Variants in PTPRD observed in about 807,000 individuals in gnomAD.
PTPRD encodes the protein protein tyrosine phosphatase receptor type D.
Under a neutral mutation model 214.5 loss-of-function variants are expected in PTPRD, and 34 were observed. That is an observed-to-expected ratio of 0.16 (90% CI 0.12 to 0.21). The LOEUF (loss-of-function observed/expected upper bound fraction) is 0.21, where lower values mean the gene tolerates loss of function less well. PTPRD is among the 10% of genes least tolerant of loss of function. The pLI is 1.00. For synonymous variants in PTPRD, 1,128 were observed against 845.7 expected, an observed-to-expected ratio of 1.33 and a Z score of -5.79; for missense variants, 2,545 against 2,398.7, an observed-to-expected ratio of 1.06 and a Z score of -1.27.
In PTPRD at chr9:8,500,953, A is replaced by C. The variant is rs768511448; in HGVS notation, c.1929T>G (p.Thr643=). Residue 643 remains threonine (T), a synonymous_variant, in exon 24 of 46, where the codon ACT becomes ACG. Transcript: ENST00000381196. ...CTGCAGTGTACTTGATGGAGTATTC[A>C]GTGATAATGCCATTCTGTTTTTCCA... The part of the protein sequence containing the change: ...PPVEKQNGII[T]EYSIKYTAVD... The C allele has an allele frequency of 1.2e-6, 2 of 1,614,164 alleles. No homozygotes were observed. Among genetic ancestry groups the C allele is most frequent in the Non-Finnish European group, 1.7e-6 (2 of 1,180,026 alleles).
At chr9:8,613,693 G>C (rs1403488146) in intron 14 of PTPRD, among the ~76,000 whole-genome samples, 1 of 152,022 alleles carries the variant, frequency 6.6e-6, no homozygotes. Flanking sequence ...CCAAAAATCT[G>C]CCACTCGCTG....
At chr9:9,632,357 A>T (rs1354889724) in intron 7 of PTPRD, among the ~76,000 whole-genome samples, 1 of 144,298 alleles carries the variant, frequency 6.9e-6, no homozygotes, top group African/African-American at 2.8e-5. Context: ...AATGTCCAGA[A>T]TAGGCAAATC....
At chr9:8,772,981 T>C (rs2095299889) in intron 11 of PTPRD, among the ~76,000 whole-genome samples, 1 of 152,146 alleles carries the variant, frequency 6.6e-6, no homozygotes, top group Admixed American at 6.5e-5. Context: ...TAAAGTCAAT[T>C]TTTCCCCACT....
chr9:8,794,509 A>ATTT (rs5896260), intron 11 of PTPRD, among the ~76,000 whole-genome samples: 29 of 131,674 alleles, frequency 2.2e-4, no homozygotes, highest in Admixed American at 1.6e-3. Flanking sequence ...CACAGAAGCC[A>ATTT]TTTTTTTTTT....
chr9:8,954,725 G>A (rs953181281), intron 11 of PTPRD, among the ~76,000 whole-genome samples: 1 of 151,702 alleles, frequency 6.6e-6, no homozygotes, highest in Non-Finnish European at 1.5e-5. Flanking sequence ...ATTGCTTTCT[G>A]TTTTCTTGGG....
At chr9:10,249,081 A>T (rs4741022) in intron 3 of PTPRD, among the ~76,000 whole-genome samples, 87,651 of 151,898 alleles carry the variant, frequency 0.58, 27,285 homozygotes, top group East Asian at 0.73. Context: ...TATATATCTT[A>T]AGTCAGCAAA....
At chr9:9,004,321 T>C (rs1267186962) in intron 11 of PTPRD, among the ~76,000 whole-genome samples, 1 of 152,054 alleles carries the variant, frequency 6.6e-6, no homozygotes, top group Non-Finnish European at 1.5e-5. Flanking sequence ...AAACAAATTA[T>C]CATATAAAAT....
intron 7 of PTPRD, among the ~76,000 whole-genome samples, chr9:9,711,160 T>C (rs1323299975): frequency 2.0e-5 from 3 of 152,192 alleles, no homozygotes; most frequent in Non-Finnish European, 2.9e-5. Context: ...AAAACATATG[T>C]ATAGCTCATA....
At chr9:10,194,040 C>G (rs1366412178) in intron 3 of PTPRD, among the ~76,000 whole-genome samples, 2 of 151,944 alleles carry the variant, frequency 1.3e-5, no homozygotes, top group African/African-American at 4.8e-5. Context: ...CAAAGTACTT[C>G]TAAAATAAAT....
intron 14 of PTPRD, among the ~76,000 whole-genome samples, chr9:8,540,891 GT>G (rs965890519): frequency 2.6e-5 from 4 of 152,160 alleles, no homozygotes; most frequent in African/African-American, 9.7e-5. Flanking sequence ...TTCAGTAACA[GT>G]TTTTATAGTT....
At chr9:10,610,823 C>A (rs1484766586) in intron 2 of PTPRD, among the ~76,000 whole-genome samples, 1 of 152,080 alleles carries the variant, frequency 6.6e-6, no homozygotes, top group Non-Finnish European at 1.5e-5. Flanking sequence ...AAACTTATGG[C>A]CCAAGATATT....
At chr9:10,598,695 TGTGTGTGTGGTGTGTG>T (rs1477511212) in intron 2 of PTPRD, among the ~76,000 whole-genome samples, 1 of 102,718 alleles carries the variant, frequency 9.7e-6, no homozygotes, top group African/African-American at 3.4e-5. Flanking sequence ...TGTGTGTGTG[TGTGTGTGTGGTGTGTG>T]GTGTGTGTGT....
chr9:8,963,845 T>A (rs1281130551), intron 11 of PTPRD, among the ~76,000 whole-genome samples: 1 of 151,990 alleles, frequency 6.6e-6, no homozygotes, highest in Non-Finnish European at 1.5e-5. Context: ...AATTCCTGGG[T>A]TCAAGGAGTC....
At chr9:10,003,903 C>G (rs1473386116) in intron 4 of PTPRD, among the ~76,000 whole-genome samples, 1 of 151,398 alleles carries the variant, frequency 6.6e-6, no homozygotes, top group Non-Finnish European at 1.5e-5. Context: ...GCTTACAGAC[C>G]CTAATACAAA....
chr9:10,144,814 C>A (rs2099011228), intron 3 of PTPRD, among the ~76,000 whole-genome samples: 1 of 152,014 alleles, frequency 6.6e-6, no homozygotes, highest in South Asian at 2.1e-4. Context: ...ACAAAAAAAT[C>A]ATTTCAGAAT....
Position 8,939,640 on chromosome 9 carries a change from A to T in PTPRD, c.-104+79057T>A, listed in dbSNP as rs111323135. On this transcript the variant is annotated intron_variant, in intron 11 of 45. Transcript: ENST00000381196. ...TGCACTGCAAATCTTTCCAAATCTAACTTAAAAGGCAATCTGAAAAAGAAT... is the reference window on the plus strand; with the variant it reads ...TGCACTGCAAATCTTTCCAAATCTATCTTAAAAGGCAATCTGAAAAAGAAT... Among the ~76,000 whole-genome samples, 932 of 152,278 alleles carry T rather than the reference A, an allele frequency of 6.1e-3. 3 individuals carry two copies. Among genetic ancestry groups the T allele is most frequent in the Non-Finnish European group, 8.9e-3 (604 of 68,018 alleles).
chr9:9,974,221 A>G (rs2890898), intron 4 of PTPRD, among the ~76,000 whole-genome samples: 129,960 of 152,164 alleles, frequency 0.85, 56,279 homozygotes, highest in Middle Eastern at 0.92. Flanking sequence ...ACATAGCCTC[A>G]GTGTTTGATT....
At chr9:8,888,720 T>G (rs1479942838) in intron 11 of PTPRD, among the ~76,000 whole-genome samples, 1 of 152,172 alleles carries the variant, frequency 6.6e-6, no homozygotes, top group African/African-American at 2.4e-5. Context: ...TAATGGTGTG[T>G]GTGAAGATGT....
At chr9:10,416,121 G>A (rs544547194) in intron 2 of PTPRD, among the ~76,000 whole-genome samples, 1 of 151,736 alleles carries the variant, frequency 6.6e-6, no homozygotes, top group Non-Finnish European at 1.5e-5. Flanking sequence ...GCCGAGGCGG[G>A]CGGATCACTT....
Sources: gnomAD v4.1 joint callset for allele counts (sites outside exome capture counted in the v4.1 genomes callset) on GRCh38, gnomAD v4.1.1 for gene constraint, MANE v1.5 for transcripts, NCBI Gene and HGNC (gene_info 2026-07-23, HGNC 2026-07-21) for gene names.